The following DCAF8L2 variants were observed in gnomAD, a reference collection of about 807,000 sequenced individuals.
The protein encoded by DCAF8L2 is DDB1- and CUL4-associated factor 8-like protein 2.
For missense variants in DCAF8L2, 430 were observed against 490.7 expected, an observed-to-expected ratio of 0.88 and a Z score of 1.17; for synonymous variants, 200 against 190.9, an observed-to-expected ratio of 1.05 and a Z score of -0.39.
At chrX:27,515,657 A>T in the DCAF8L2 span, among the ~76,000 whole-genome samples, 1 of 112,615 alleles carries the variant, frequency 8.9e-6, no homozygotes, top group Admixed American at 9.4e-5. Flanking sequence ...TAATCTACAA[A>T]TAGATCATAA....
At chrX:27,532,223 T>G in the DCAF8L2 span, among the ~76,000 whole-genome samples, 23 of 111,024 alleles carry the variant, frequency 2.1e-4, no homozygotes, top group African/African-American at 7.5e-4. Context: ...GAATAAGAGC[T>G]CCTTAGATAA....
intron 2 of DCAF8L2, among the ~76,000 whole-genome samples, chrX:27,638,549 G>A (rs951856734): frequency 1.8e-5 from 2 of 111,501 alleles, no homozygotes; most frequent in African/African-American, 3.3e-5. Context: ...GCCCCATGGA[G>A]CTGGTGTTTT....
intron 3 of DCAF8L2, among the ~76,000 whole-genome samples, chrX:27,709,091 G>T (rs1182874251): frequency 9.0e-6 from 1 of 110,970 alleles, no homozygotes; most frequent in Admixed American, 9.5e-5. Context: ...GGCTAATTTG[G>T]TATTTTTTTA....
At chrX:27,700,739 C>T (rs973792936) in intron 3 of DCAF8L2, among the ~76,000 whole-genome samples, 1 of 111,534 alleles carries the variant, frequency 9.0e-6, no homozygotes, top group Non-Finnish European at 1.9e-5. Flanking sequence ...CCAAGACCAA[C>T]ATTCACTCAC....
chrX:27,539,282 G>A, the DCAF8L2 span, among the ~76,000 whole-genome samples: 1 of 111,582 alleles, frequency 9.0e-6, no homozygotes, highest in Non-Finnish European at 1.9e-5. Flanking sequence ...TTTTCTTGGG[G>A]GGAAGAAGAG....
intron 1 of DCAF8L2, among the ~76,000 whole-genome samples, chrX:27,593,886 G>C (rs1926229587): frequency 8.9e-6 from 1 of 111,888 alleles, no homozygotes; most frequent in Non-Finnish European, 1.9e-5. Flanking sequence ...ATTGCTAAAG[G>C]TAACAAAATG....
chrX:27,573,465 C>T, the DCAF8L2 span, among the ~76,000 whole-genome samples: 1 of 110,770 alleles, frequency 9.0e-6, no homozygotes, highest in East Asian at 2.8e-4. Context: ...AATCTTTAGG[C>T]CCTGGATGAA....
chrX:27,585,573 C>A (rs1249324279), upstream of DCAF8L2, among the ~76,000 whole-genome samples: 1 of 112,282 alleles, frequency 8.9e-6, no homozygotes, highest in Non-Finnish European at 1.9e-5. Flanking sequence ...CTTTCCTGGG[C>A]CTCAAGCCCT....
At chrX:27,482,400 A>G in the DCAF8L2 span, among the ~76,000 whole-genome samples, 1 of 111,504 alleles carries the variant, frequency 9.0e-6, no homozygotes, top group Non-Finnish European at 1.9e-5. Context: ...CATGGAAATG[A>G]GCTAATTAAA....
At chrX:27,556,268 C>T in the DCAF8L2 span, among the ~76,000 whole-genome samples, 3 of 110,966 alleles carry the variant, frequency 2.7e-5, no homozygotes, top group African/African-American at 9.8e-5. Context: ...TCTCTGGGCC[C>T]CAGCACCTCC....
chrX:27,518,859 A>G, the DCAF8L2 span: 2 of 552,305 alleles, frequency 3.6e-6, no homozygotes, highest in East Asian at 6.6e-5. Flanking sequence ...ACAAGTTGAC[A>G]TCTAAAATTG....
At chrX:27,514,338 TAC>T in the DCAF8L2 span, among the ~76,000 whole-genome samples, 2 of 108,867 alleles carry the variant, frequency 1.8e-5, no homozygotes, top group East Asian at 3.0e-4. Context: ...TCATTTGTCA[TAC>T]ACACACACAC....
At chrX:27,513,219 C>A in the DCAF8L2 span, among the ~76,000 whole-genome samples, 1 of 111,771 alleles carries the variant, frequency 8.9e-6, no homozygotes, top group Admixed American at 9.5e-5. Context: ...AAAGCACAGG[C>A]ACCTAATGCA....
chrX:27,648,699 A>G (rs1929038243), intron 2 of DCAF8L2, among the ~76,000 whole-genome samples: 1 of 111,002 alleles, frequency 9.0e-6, no homozygotes, highest in Non-Finnish European at 1.9e-5. Context: ...TTGATTGGAC[A>G]CAGTACTGAT....
rs925344873 is a variant in DCAF8L2, at chrX:27,617,423, G to A, written c.-341-14456G>A. On this transcript the variant is annotated intron_variant, in intron 1 of 4. Transcript: ENST00000451261. ...TCCTGTTTTAAATCTATACCACTTG[G>A]TGTTCTGCCTAACATGTCTTAAACA... Among the ~76,000 whole-genome samples the A allele has an allele frequency of 2.7e-5, 3 of 110,179 alleles. No homozygotes were observed. The South Asian group carries it at 1.2e-3, about 42-fold the overall frequency.
chrX:27,698,071 G>A (rs893359450), intron 3 of DCAF8L2, among the ~76,000 whole-genome samples: 2 of 108,910 alleles, frequency 1.8e-5, no homozygotes, highest in Non-Finnish European at 3.8e-5. Flanking sequence ...ATTTATGCAG[G>A]ATACATTTTT....
At chrX:27,613,433 T>C (rs1287391765) in intron 1 of DCAF8L2, among the ~76,000 whole-genome samples, 1 of 111,479 alleles carries the variant, frequency 9.0e-6, no homozygotes, top group East Asian at 2.8e-4. Context: ...CCTAATTGAA[T>C]ACCCTTTATT....
intron 4 of DCAF8L2, among the ~76,000 whole-genome samples, chrX:27,723,201 A>T (rs1931957582): frequency 9.0e-6 from 1 of 110,637 alleles, no homozygotes; most frequent in Non-Finnish European, 1.9e-5. Flanking sequence ...AAATTTATAA[A>T]TAACCAAAAA....
In DCAF8L2 at chrX:27,747,127, G is replaced by A. The variant is rs1163117597; in HGVS notation, c.232G>A (p.Ala78Thr). 1.8e-5 allele frequency: 21 copies of A among 1,165,816 alleles called. No individual in the cohort carries two copies. The highest frequency in any genetic ancestry group is 3.3e-5 in the East Asian group (1 of 30,662). The change falls in exon 5 of 5, where the codon GCA (alanine) becomes ACA (threonine). Residue 78 changes from alanine (A) to threonine (T), a missense_variant. By Grantham distance (58) the Ala-to-Thr change is moderately conservative. Coordinates refer to ENST00000451261, the MANE Select transcript of DCAF8L2 (RefSeq NM_001353450.2). ...TENRSSDQES[A>T]SEDIELESLE... ...AAATCGAAGCTCAGACCAAGAAAGC[G>A]CAAGTGAAGACATCGAACTTGAGAG...
Sources: gnomAD v4.1 joint callset for allele counts (sites outside exome capture counted in the v4.1 genomes callset) on GRCh38, gnomAD v4.1.1 for gene constraint, MANE v1.5 for transcripts, NCBI Gene and HGNC (gene_info 2026-07-23, HGNC 2026-07-21) for gene names.